Variants in SEMA6D observed in about 807,000 individuals in gnomAD.
SEMA6D encodes semaphorin 6D.
SEMA6D carries 35 observed loss-of-function variants against 106.6 expected under a neutral mutation model. The observed-to-expected ratio is 0.33, with a 90% CI of 0.25 to 0.44. SEMA6D has a LOEUF of 0.44. Ranked by LOEUF, SEMA6D falls within the 20% of genes least tolerant of loss-of-function variation. The pLI, the probability that SEMA6D is intolerant of heterozygous loss-of-function variation, is 1.00. For synonymous variants in SEMA6D, 499 were observed against 487.7 expected, an observed-to-expected ratio of 1.02 and a Z score of -0.31; for missense variants, 1,185 against 1,345.9, an observed-to-expected ratio of 0.88 and a Z score of 1.87.
intron 1 of SEMA6D, among the ~76,000 whole-genome samples, chr15:47,391,935 A>T (rs1312071034): frequency 6.6e-6 from 1 of 152,068 alleles, no homozygotes; most frequent in Admixed American, 6.6e-5. Context: ...TTACTCCCTA[A>T]AATGCATCTT....
At chr15:47,247,389 A>G (rs1002301744) in intron 1 of SEMA6D, among the ~76,000 whole-genome samples, 1 of 152,210 alleles carries the variant, frequency 6.6e-6, no homozygotes, top group Non-Finnish European at 1.5e-5. Context: ...TGGAATGAAC[A>G]TATGAAATTT....
intron 2 of SEMA6D, among the ~76,000 whole-genome samples, chr15:47,462,212 G>T (rs1250779919): frequency 6.6e-6 from 1 of 151,870 alleles, no homozygotes; most frequent in Non-Finnish European, 1.5e-5. Flanking sequence ...TCTTACTTGG[G>T]GTTCTTTTTG....
chr15:47,331,995 T>C (rs1022018044), intron 1 of SEMA6D, among the ~76,000 whole-genome samples: 9 of 152,162 alleles, frequency 5.9e-5, no homozygotes, highest in African/African-American at 2.2e-4. Context: ...CCTAAAACCA[T>C]GTACAAGTTT....
At chr15:47,637,204 G>A (rs994493185) in intron 4 of SEMA6D, among the ~76,000 whole-genome samples, 3 of 152,130 alleles carry the variant, frequency 2.0e-5, no homozygotes, top group Non-Finnish European at 2.9e-5. Flanking sequence ...ATTGTTACTG[G>A]AACACGCTCC....
chr15:47,328,437 A>G (rs965541327), intron 1 of SEMA6D, among the ~76,000 whole-genome samples: 12 of 152,344 alleles, frequency 7.9e-5, no homozygotes, highest in African/African-American at 2.6e-4. Flanking sequence ...ACATTACAGA[A>G]AAGACAAAGC....
intron 4 of SEMA6D, among the ~76,000 whole-genome samples, chr15:47,671,854 G>A (rs1477875773): frequency 6.6e-6 from 1 of 152,174 alleles, no homozygotes; most frequent in Non-Finnish European, 1.5e-5. Context: ...GCAGGGAGTA[G>A]AATAGGAAGT....
intron 3 of SEMA6D, among the ~76,000 whole-genome samples, chr15:47,551,575 T>G (rs2045689088): frequency 6.6e-6 from 1 of 151,994 alleles, no homozygotes; most frequent in South Asian, 2.1e-4. Context: ...CATACTACAT[T>G]TCATTTTCCT....
chr15:47,683,899 C>T (rs901560548), intron 4 of SEMA6D, among the ~76,000 whole-genome samples: 16 of 152,122 alleles, frequency 1.1e-4, no homozygotes, highest in Admixed American at 4.6e-4. Context: ...TATCAACATA[C>T]GTTTAGTGAC....
At chr15:47,665,645 A>G (rs555611148) in intron 4 of SEMA6D, among the ~76,000 whole-genome samples, 20 of 152,282 alleles carry the variant, frequency 1.3e-4, no homozygotes, top group African/African-American at 4.6e-4. Context: ...TCCCGTCTCT[A>G]CTAAAAATAC....
Position 47,771,751 on chromosome 15 carries a change from C to A in SEMA6D, c.3188C>A (p.Pro1063Gln). Residue 1063 changes from proline to glutamine, a missense_variant, in exon 19 of 19, where the codon CCA becomes CAA. By Grantham distance (76) the Pro-to-Gln change is moderately conservative. Around this residue, in one of 3 missense-constraint regions of SEMA6D, gnomAD observed 750 missense variants for 783.5 expected, o/e 0.96. Coordinates refer to ENST00000536845, the MANE Select transcript of SEMA6D (RefSeq NM_001358351.3). ...PPKPSFVPQT[P>Q]SVRPLNKYTY ...AAGCCTTCCTTTGTTCCTCAAACCC[C>A]ATCTGTCAGACCACTGAACAAATAC... 6.2e-7 allele frequency: 1 copy of A among 1,613,848 alleles called. No individual in the cohort carries two copies.
intron 4 of SEMA6D, among the ~76,000 whole-genome samples, chr15:47,678,140 A>G (rs2078281683): frequency 6.6e-6 from 1 of 152,178 alleles, no homozygotes; most frequent in Non-Finnish European, 1.5e-5. Context: ...TAATTTTATC[A>G]TAGAAAATTA....
At chr15:47,283,874 A>G (rs2035242741) in intron 1 of SEMA6D, among the ~76,000 whole-genome samples, 1 of 152,210 alleles carries the variant, frequency 6.6e-6, no homozygotes, top group Admixed American at 6.5e-5. Flanking sequence ...GGTCCTGATC[A>G]CATCTGCTGC....
chr15:47,569,409 T>G (rs114155141), intron 3 of SEMA6D, among the ~76,000 whole-genome samples: 63 of 152,216 alleles, frequency 4.1e-4, no homozygotes, highest in African/African-American at 1.4e-3. Flanking sequence ...GTGCCCATGG[T>G]CATTATTGAT....
At chr15:47,206,561 C>T (rs1267773524) in intron 1 of SEMA6D, among the ~76,000 whole-genome samples, 2 of 152,144 alleles carry the variant, frequency 1.3e-5, no homozygotes, top group African/African-American at 4.8e-5. Context: ...TCTCTACCTG[C>T]AGCGTCGCAT....
chr15:47,229,915 T>A (rs77146822), intron 1 of SEMA6D, among the ~76,000 whole-genome samples: 3,124 of 152,246 alleles, frequency 0.021, 97 homozygotes, highest in African/African-American at 0.07. Context: ...TATAGAACAC[T>A]TAGTTAAATT....
At chr15:47,527,030 C>T (rs1208627906) in intron 3 of SEMA6D, among the ~76,000 whole-genome samples, 1 of 152,156 alleles carries the variant, frequency 6.6e-6, no homozygotes, top group Non-Finnish European at 1.5e-5. Flanking sequence ...AGCCACTGCA[C>T]CCGGCCTGAA....
At chr15:47,395,426 T>TA (rs762944403) in intron 1 of SEMA6D, 1 of 152,218 alleles carries the variant, frequency 6.6e-6, no homozygotes, top group Non-Finnish European at 1.5e-5. Flanking sequence ...AGGCTGTGCT[T>TA]AAGACATTTA....
intron 3 of SEMA6D, among the ~76,000 whole-genome samples, chr15:47,587,630 G>A (rs970681748): frequency 2.0e-5 from 3 of 152,114 alleles, no homozygotes; most frequent in African/African-American, 4.8e-5. Flanking sequence ...GGCTTTGAGG[G>A]CCATACATTC....
chr15:47,560,501 G>C (rs774684833), intron 3 of SEMA6D, among the ~76,000 whole-genome samples: 1 of 151,990 alleles, frequency 6.6e-6, no homozygotes, highest in Non-Finnish European at 1.5e-5. Flanking sequence ...GTTGAGAATA[G>C]AGATTATCCA....
Sources: allele counts gnomAD v4.1 joint callset (sites outside exome capture counted in the v4.1 genomes callset), GRCh38; gene constraint gnomAD v4.1.1; regional missense constraint gnomAD v4.1.1; transcripts MANE v1.5; gene names NCBI Gene and HGNC (gene_info 2026-07-23, HGNC 2026-07-21).